CNBD1: variants seen among roughly 807,000 people sequenced by gnomAD.
CNBD1 encodes the protein cyclic nucleotide binding domain containing 1.
A neutral mutation model predicts 54.4 loss-of-function variants in CNBD1; 71 were observed. The observed-to-expected ratio is 1.30, with a 90% CI of 1.08 to 1.59. The LOEUF is 1.59. Among genes scored for constraint, CNBD1 ranks in the 40% most tolerant of loss-of-function variants. CNBD1 has a pLI of 0.00. For synonymous variants in CNBD1, 182 were observed against 170.7 expected, an observed-to-expected ratio of 1.07 and a Z score of -0.51; for missense variants, 659 against 518.0, an observed-to-expected ratio of 1.27 and a Z score of -2.64.
At position 87,081,541 on chromosome 8, in the gene CNBD1, C is replaced by T. The variant is rs1424151628; in HGVS notation, c.432-124452C>T. Reference sequence around the variant, plus strand: ...TTTTTTTTTGAGATGGAGTCTTGCTCTGCCTCCAGGCTGGAGTGCAGTGGC... The same window carrying T: ...TTTTTTTTTGAGATGGAGTCTTGCTTTGCCTCCAGGCTGGAGTGCAGTGGC... On this transcript the variant is annotated intron_variant, in intron 4 of 10. Transcript: ENST00000518476. Among the ~76,000 whole-genome samples the T allele has an allele frequency of 2.1e-5, 3 of 145,938 alleles. No homozygotes were observed. The Admixed American group carries it at 2.1e-4, about 10-fold the overall frequency.
chr8:87,004,768 C>T (rs754481116), intron 4 of CNBD1, among the ~76,000 whole-genome samples: 5 of 151,984 alleles, frequency 3.3e-5, no homozygotes, highest in African/African-American at 1.2e-4. Context: ...GGTTTTAATT[C>T]GAACAATATA....
At chr8:87,066,777 G>A (rs1257635181) in intron 4 of CNBD1, among the ~76,000 whole-genome samples, 1 of 151,792 alleles carries the variant, frequency 6.6e-6, no homozygotes, top group African/African-American at 2.4e-5. Flanking sequence ...AAAACTAATA[G>A]TTTCAAAAAT....
intron 4 of CNBD1, among the ~76,000 whole-genome samples, chr8:87,017,241 A>G (rs1029702250): frequency 7.9e-5 from 12 of 152,236 alleles, no homozygotes; most frequent in Non-Finnish European, 1.5e-5. Flanking sequence ...AGTTAGTCAT[A>G]ACCACTTTTA....
intron 4 of CNBD1, among the ~76,000 whole-genome samples, chr8:87,064,004 T>C (rs1225508920): frequency 6.6e-6 from 1 of 152,052 alleles, no homozygotes; most frequent in African/African-American, 2.4e-5. Flanking sequence ...ATCTGTCATT[T>C]TGTAGGTTTC....
intron 2 of CNBD1, among the ~76,000 whole-genome samples, chr8:86,897,689 A>G (rs1743106328): frequency 6.6e-6 from 1 of 152,208 alleles, no homozygotes; most frequent in African/African-American, 2.4e-5. Flanking sequence ...TCTGATTTCT[A>G]GTCTACTACC....
At chr8:87,370,679 C>T (rs1183585436) in intron 10 of CNBD1, among the ~76,000 whole-genome samples, 9 of 150,896 alleles carry the variant, frequency 6.0e-5, no homozygotes, top group Admixed American at 2.0e-4. Context: ...TTGTAGGTTG[C>T]CTGTTCACTC....
chr8:87,059,349 A>G (rs1347489423), intron 4 of CNBD1, among the ~76,000 whole-genome samples: 1 of 152,008 alleles, frequency 6.6e-6, no homozygotes, highest in Non-Finnish European at 1.5e-5. Flanking sequence ...CCTATTACCT[A>G]TTTCCAAAGT....
chr8:87,370,547 G>A (rs1179967085), intron 10 of CNBD1, among the ~76,000 whole-genome samples: 3 of 151,980 alleles, frequency 2.0e-5, no homozygotes, highest in African/African-American at 7.2e-5. Context: ...GTCTGTTCAT[G>A]TCCTTTGCCC....
At chr8:86,866,785 A>AT (rs1420907454) in intron 1 of CNBD1, among the ~76,000 whole-genome samples, 8 of 152,106 alleles carry the variant, frequency 5.3e-5, no homozygotes, top group Admixed American at 2.0e-4. Context: ...GGTCTTAAGT[A>AT]TTTTTTCTCT....
intron 2 of CNBD1, among the ~76,000 whole-genome samples, chr8:87,401,339 T>C (rs1227476618): frequency 6.6e-6 from 1 of 151,992 alleles, no homozygotes; most frequent in East Asian, 1.9e-4. Flanking sequence ...CCTTGATTCC[T>C]TCAGAAGGGG....
chr8:86,933,709 A>G (rs541722451), intron 3 of CNBD1, among the ~76,000 whole-genome samples: 1 of 152,164 alleles, frequency 6.6e-6, no homozygotes, highest in Non-Finnish European at 1.5e-5. Context: ...GGGTGGGTAC[A>G]TTAAGATTCA....
chr8:87,118,670 C>T (rs1425050759), intron 4 of CNBD1, among the ~76,000 whole-genome samples: 1 of 152,098 alleles, frequency 6.6e-6, no homozygotes, highest in Non-Finnish European at 1.5e-5. Context: ...GGTACCTTGG[C>T]ATGATTTGGG....
intron 1 of CNBD1, among the ~76,000 whole-genome samples, chr8:86,883,887 C>T (rs1224928362): frequency 1.3e-5 from 2 of 152,126 alleles, no homozygotes; most frequent in Non-Finnish European, 1.5e-5. Context: ...CGCGGTGGCT[C>T]ACGCCTGTAA....
At chr8:87,390,282 A>C (rs1318122599) in intron 2 of CNBD1, among the ~76,000 whole-genome samples, 1 of 152,316 alleles carries the variant, frequency 6.6e-6, no homozygotes, top group Admixed American at 6.5e-5. Flanking sequence ...TCTGCACAGC[A>C]AAAGAAACTA....
chr8:86,925,295 A>G (rs77518903), intron 3 of CNBD1, among the ~76,000 whole-genome samples: 12,063 of 152,240 alleles, frequency 0.079, 616 homozygotes, highest in African/African-American at 0.15. Flanking sequence ...GCTAAGCTTA[A>G]CAGATGGAGT....
chr8:87,175,020 C>A (rs1252057022), intron 4 of CNBD1, among the ~76,000 whole-genome samples: 2 of 152,184 alleles, frequency 1.3e-5, no homozygotes, highest in Non-Finnish European at 2.9e-5. Context: ...TGGGTCAGGC[C>A]TGAAGCCAGC....
In CNBD1 at chr8:87,334,683, T is replaced by A. The variant is rs144948794; in HGVS notation, c.1043-17002T>A. ...CAATTTCTATGTAGTTGTGTGGTTTTGAGTGAGTTTTCTTTTTTCTTTTCT... is the reference window on the plus strand; with the variant it reads ...CAATTTCTATGTAGTTGTGTGGTTTAGAGTGAGTTTTCTTTTTTCTTTTCT... On this transcript the variant is annotated intron_variant, in intron 8 of 10. Transcript: ENST00000518476. Among the ~76,000 whole-genome samples the A allele has an allele frequency of 2.3e-3, 353 of 151,900 alleles. 1 individual carries two copies. Among genetic ancestry groups the A allele is most frequent in the Admixed American group, 4.3e-3 (66 of 15,266 alleles).
chr8:87,265,475 G>A (rs1808234514), intron 6 of CNBD1, among the ~76,000 whole-genome samples: 1 of 152,086 alleles, frequency 6.6e-6, no homozygotes, highest in Non-Finnish European at 1.5e-5. Flanking sequence ...GATTGACTTG[G>A]CAATATGGGC....
chr8:87,379,377 G>A (rs1044777481), intron 10 of CNBD1, among the ~76,000 whole-genome samples: 62 of 151,702 alleles, frequency 4.1e-4, no homozygotes, highest in Admixed American at 1.1e-3. Flanking sequence ...TGCACCAAGC[G>A]GACCTAGTAG....
Sources: allele counts gnomAD v4.1 joint callset (sites outside exome capture counted in the v4.1 genomes callset), GRCh38; gene constraint gnomAD v4.1.1; transcripts MANE v1.5; gene names NCBI Gene and HGNC (gene_info 2026-07-23, HGNC 2026-07-21).